The following SNX27 variants were observed in gnomAD, a reference collection of about 807,000 sequenced individuals.
SNX27 encodes sorting nexin 27.
Under a neutral mutation model 71.6 loss-of-function variants are expected in SNX27, and 22 were observed. That is an observed-to-expected ratio of 0.31 (90% CI 0.22 to 0.44). The LOEUF (loss-of-function observed/expected upper bound fraction) is 0.44, where lower values mean the gene tolerates loss of function less well. SNX27 is among the 20% of genes least tolerant of loss of function. The pLI is 1.00. For missense variants in SNX27, 531 were observed against 698.6 expected (o/e 0.76, Z 2.70); for synonymous variants, 269 against 277.2 (o/e 0.97, Z 0.29).
Position 151,612,107 on chromosome 1 carries a change from C to T in SNX27, c.-95C>T, listed in dbSNP as rs1667199833. On this transcript the variant is annotated 5_prime_UTR_variant, in exon 1 of 12. Transcript: ENST00000458013. The surrounding 1 kb of genome is among the most constrained non-coding windows in gnomAD (Gnocchi z 5.2). Reference sequence around the variant, plus strand: ...TCCCGCGGCCGGCGGATCGGGCGCGCGCGTCGGGGGTCGTCCGGCTGCCAG... The same window carrying T: ...TCCCGCGGCCGGCGGATCGGGCGCGTGCGTCGGGGGTCGTCCGGCTGCCAG... 7.3e-6 allele frequency: 9 copies of T among 1,227,866 alleles called. No individual in the cohort carries two copies. The highest frequency in any genetic ancestry group is 9.3e-6 in the Non-Finnish European group (9 of 968,042). The allele number at this position is 1,227,866 out of a possible 1,614,324, so 76.1% of individuals were successfully genotyped here. A position where few individuals can be genotyped will look rare whatever the true frequency, so the allele number is the denominator to read the frequency against.
At chr1:151,663,906 G>T (rs1558061689) in intron 5 of SNX27, among the ~76,000 whole-genome samples, 1 of 151,916 alleles carries the variant, frequency 6.6e-6, no homozygotes, top group Non-Finnish European at 1.5e-5. Context: ...AGATTACAAA[G>T]TGCTGATTTT....
chr1:151,688,151 A>G (rs1403646200), intron 8 of SNX27, among the ~76,000 whole-genome samples: 2 of 152,258 alleles, frequency 1.3e-5, no homozygotes, highest in South Asian at 2.1e-4. Flanking sequence ...AGTGAAAACT[A>G]AGGGAAGCTG....
At chr1:151,686,910 C>A (rs552734355) in intron 8 of SNX27, among the ~76,000 whole-genome samples, 1 of 152,206 alleles carries the variant, frequency 6.6e-6, no homozygotes, top group Non-Finnish European at 1.5e-5. Flanking sequence ...ACAAAATACA[C>A]CAAGATTCTT....
intron 1 of SNX27, among the ~76,000 whole-genome samples, chr1:151,621,580 CAG>C (rs527877975): frequency 6.8e-4 from 103 of 152,310 alleles, no homozygotes; most frequent in African/African-American, 2.1e-3. Flanking sequence ...AGGCAGTCTG[CAG>C]AGAGTCAGCT....
Position 151,660,532 on chromosome 1 carries a change from TTA to T in SNX27, c.737-264_737-263del, listed in dbSNP as rs569958128. 1.0e-3 allele frequency: 352 copies of T among 349,944 alleles called. 1 individual carries two copies. The highest frequency in any genetic ancestry group is 6.6e-3 in the African/African-American group (322 of 48,536). 21.7% of individuals were successfully genotyped at this position (349,944 alleles called of 1,614,324 possible). ...CTGCAAAGTTATATTTACGGAACTT[TTA>T]TTTCTCCCTCTGGTTATGTTTAATA... On this transcript the variant is annotated intron_variant, in intron 3 of 11. Coordinates refer to ENST00000458013, the MANE Select transcript of SNX27 (RefSeq NM_001330723.2).
At position 151,681,235 on chromosome 1, in the gene SNX27, CTTTTTTT is replaced by C. The variant is rs762924986; in HGVS notation, c.1150-2103_1150-2097del. Among the ~76,000 whole-genome samples, 118 of 60,702 alleles carry C rather than the reference CTTTTTTT, an allele frequency of 1.9e-3. 4 individuals are homozygous for C. In the East Asian group the frequency reaches 0.024, roughly 12 times the overall value. The allele number at this position is 60,702 out of a possible 152,430, so 39.8% of individuals were successfully genotyped here. On this transcript the variant is annotated intron_variant, in intron 7 of 11. Coordinates refer to ENST00000458013, the MANE Select transcript of SNX27 (RefSeq NM_001330723.2). Reference sequence around the variant, plus strand: ...CTAGAAGTTGAATTAGTCTCTCAATCTTTTTTTTTTTTTTTTTTTTTTTTGCGATGGA... The same window carrying C: ...CTAGAAGTTGAATTAGTCTCTCAATCTTTTTTTTTTTTTTTTTGCGATGGA...
chr1:151,636,779 C>A (rs1399721207), intron 1 of SNX27, among the ~76,000 whole-genome samples: 1 of 150,596 alleles, frequency 6.6e-6, no homozygotes, highest in Non-Finnish European at 1.5e-5. Context: ...TTTCTTATAC[C>A]ATCAAATCAT....
chr1:151,641,901 TGA>T (rs35670251), intron 2 of SNX27, among the ~76,000 whole-genome samples: 76 of 137,878 alleles, frequency 5.5e-4, no homozygotes, highest in Middle Eastern at 3.8e-3. Context: ...TAGATATATA[TGA>T]GATATATATA....
chr1:151,668,415 T>C, intron 6 of SNX27, 57 bp from the exon 7 acceptor site: 2 of 1,508,502 alleles, frequency 1.3e-6, no homozygotes, highest in Non-Finnish European at 1.8e-6. Flanking sequence ...TAGTTTATAC[T>C]AGGGAAGTTT....
rs7543623 is a variant in SNX27 at position 151,680,921 on chromosome 1, T to G, written c.1150-2435T>G. 6.6e-3 allele frequency among the ~76,000 whole-genome samples: 1,012 copies of G among 152,306 alleles called. 12 individuals are homozygous for G. The highest frequency in any genetic ancestry group is 0.023 in the African/African-American group (971 of 41,562). On this transcript the variant is annotated intron_variant, in intron 7 of 11. Coordinates refer to ENST00000458013, the MANE Select transcript of SNX27 (RefSeq NM_001330723.2). Reference sequence around the variant, plus strand: ...ATCGTGGTTCTTCTTGAACATCCCCTCTGTGGCTATAATCCTCGGTGCCTA... The same window carrying G: ...ATCGTGGTTCTTCTTGAACATCCCCGCTGTGGCTATAATCCTCGGTGCCTA...
chr1:151,635,159 A>G (rs550557846), intron 1 of SNX27, among the ~76,000 whole-genome samples: 3 of 152,256 alleles, frequency 2.0e-5, no homozygotes, highest in Non-Finnish European at 4.4e-5. Flanking sequence ...AGGTGAAAAT[A>G]CTACCAACTT....
intron 8 of SNX27, among the ~76,000 whole-genome samples, chr1:151,687,486 A>C (rs2102732099): frequency 6.6e-6 from 1 of 152,230 alleles, no homozygotes; most frequent in East Asian, 1.9e-4. Flanking sequence ...CACTACTCTG[A>C]TTCTGGTTTT....
At chr1:151,682,871 T>C (rs779991645) in intron 7 of SNX27, among the ~76,000 whole-genome samples, 1 of 151,990 alleles carries the variant, frequency 6.6e-6, no homozygotes, top group African/African-American at 2.4e-5. Flanking sequence ...CCCATCTCTA[T>C]TAAAAATACA....
chr1:151,626,722 A>G (rs1029625935), intron 1 of SNX27, among the ~76,000 whole-genome samples: 1 of 142,654 alleles, frequency 7.0e-6, no homozygotes, highest in African/African-American at 2.5e-5. Flanking sequence ...TAAATAAATA[A>G]ATAAATGTAA....
chr1:151,634,864 G>T (rs377059055), intron 1 of SNX27, among the ~76,000 whole-genome samples: 1 of 152,008 alleles, frequency 6.6e-6, no homozygotes. Flanking sequence ...TTGCTTAATC[G>T]CATATGTGTT....
chr1:151,672,363 A>T (rs1011384286), intron 7 of SNX27, among the ~76,000 whole-genome samples: 1 of 151,916 alleles, frequency 6.6e-6, no homozygotes, highest in Non-Finnish European at 1.5e-5. Context: ...GCTCATGATG[A>T]TTTTTTAAAT....
At chr1:151,691,285 A>C (rs1369401361) in intron 8 of SNX27, among the ~76,000 whole-genome samples, 1 of 151,826 alleles carries the variant, frequency 6.6e-6, no homozygotes, top group Non-Finnish European at 1.5e-5. Flanking sequence ...CTGTCTCAAA[A>C]AAGAAAAAGA....
chr1:151,688,116 G>C (rs1382101540), intron 8 of SNX27, among the ~76,000 whole-genome samples: 3 of 152,098 alleles, frequency 2.0e-5, no homozygotes, highest in African/African-American at 7.2e-5. Context: ...AGATAATTCG[G>C]GATACATAGT....
In SNX27 at chr1:151,687,971, C is replaced by CAA. The variant is rs11437223; in HGVS notation, c.1240-4454_1240-4453dup. ...AAAAAAAAAAAAAAACAACGAAAAA[C>CAA]AAAAAAAAAAACTGCCCTATGTCTG... On this transcript the variant is annotated intron_variant, in intron 8 of 11. Transcript: ENST00000458013. Among the ~76,000 whole-genome samples the CAA allele has an allele frequency of 2.4e-3, 341 of 142,152 alleles. 2 individuals carry two copies. The highest frequency in any genetic ancestry group is 0.016 in the South Asian group (70 of 4,454). 93.3% of individuals were successfully genotyped at this position (142,152 alleles called of 152,430 possible).
Sources: gnomAD v4.1 joint callset for allele counts (sites outside exome capture counted in the v4.1 genomes callset) on GRCh38, gnomAD v4.1.1 for gene constraint, Gnocchi (gnomAD v3.1) non-coding constraint, MANE v1.5 for transcripts, NCBI Gene and HGNC (gene_info 2026-07-23, HGNC 2026-07-21) for gene names.